The following CHMP1A variants were observed in gnomAD, a reference collection of about 807,000 sequenced individuals.
The protein encoded by CHMP1A is VPS46 homolog A.
A neutral mutation model predicts 27.0 loss-of-function variants in CHMP1A; 17 were observed. The observed-to-expected ratio is 0.63, with a 90% confidence interval of 0.43 to 0.95. The LOEUF is 0.95. Ranked by LOEUF, CHMP1A falls within the 40% of genes least tolerant of loss-of-function variation. The pLI is 0.00. For missense variants in CHMP1A, 275 were observed against 264.0 expected (o/e 1.04, Z -0.29); for synonymous variants, 131 against 107.5 (o/e 1.22, Z -1.35).
In CHMP1A at chr16:89,645,788, G is replaced by T; in HGVS notation, c.*278C>A. 2 of 889,180 alleles carry T rather than the reference G, an allele frequency of 2.2e-6. No homozygotes were observed. The highest frequency in any genetic ancestry group is 3.3e-6 in the Non-Finnish European group (2 of 614,776). The allele number at this position is 889,180 out of a possible 1,614,324, so 55.1% of individuals were successfully genotyped here. A position where few individuals can be genotyped will look rare whatever the true frequency, so the allele number is the denominator to read the frequency against. ...AAGGCCCCCACAGTGCTGGGTGAAA[G>T]TCCACAGGGCCCCTCTTGGCCTCCC... is the stretch of plus-strand genomic sequence containing the variant. On this transcript the variant is annotated 3_prime_UTR_variant, in exon 7 of 7. Transcript: ENST00000397901.
chr16:89,655,043 G>C (rs941489856), intron 1 of CHMP1A, among the ~76,000 whole-genome samples: 1 of 152,142 alleles, frequency 6.6e-6, no homozygotes, highest in African/African-American at 2.4e-5. Flanking sequence ...ATTCCTGAAA[G>C]GGCTTTACCA....
At chr16:89,651,401 C>T (rs1181827823) in intron 3 of CHMP1A, among the ~76,000 whole-genome samples, 168 bp downstream of exon 3, 1 of 114,596 alleles carries the variant, frequency 8.7e-6, no homozygotes, top group Non-Finnish European at 1.9e-5. Flanking sequence ...AACAAACAAA[C>T]AAAATATATA....
intron 1 of CHMP1A, 140 bp from the exon 2 acceptor site, chr16:89,654,063 G>A: frequency 1.1e-6 from 1 of 900,120 alleles, no homozygotes; most frequent in Middle Eastern, 2.2e-4. Context: ...GGCCTTCGGG[G>A]AGCCCCCCCC....
intron 1 of CHMP1A, among the ~76,000 whole-genome samples, chr16:89,655,437 C>A (rs560234556): frequency 2.6e-5 from 2 of 76,882 alleles, no homozygotes; most frequent in South Asian, 1.0e-3. Context: ...CCTCAGCTCT[C>A]CTCACCTCAG....
Position 89,645,853 on chromosome 16 carries a change from T to G in CHMP1A, c.*213A>C. The stretch of plus-strand genomic sequence containing the variant: ...AGTCACAGAAATCACCCCCAGAAAT[T>G]TGCAGAAACTCAACACCAGGACACA... On this transcript the variant is annotated 3_prime_UTR_variant, in exon 7 of 7. Coordinates refer to ENST00000397901, the MANE Select transcript of CHMP1A (RefSeq NM_002768.5). 1 of 1,498,476 alleles carries G rather than the reference T, an allele frequency of 6.7e-7. No homozygotes were observed. Among genetic ancestry groups the G allele is most frequent in the Non-Finnish European group, 9.0e-7 (1 of 1,114,738 alleles). The allele number at this position is 1,498,476 out of a possible 1,614,324, so 92.8% of individuals were successfully genotyped here.
At chr16:89,655,066 C>T (rs921323590) in intron 1 of CHMP1A, among the ~76,000 whole-genome samples, 6 of 152,172 alleles carry the variant, frequency 3.9e-5, no homozygotes, top group Non-Finnish European at 7.3e-5. Context: ...CTAGCCACAA[C>T]GAGGAAATGG....
At chr16:89,649,210 T>C in intron 4 of CHMP1A, 141 bp downstream of exon 4, 1 of 513,230 alleles carries the variant, frequency 1.9e-6, no homozygotes, top group Non-Finnish European at 2.7e-6. Context: ...CACCCCACGC[T>C]GATCCAGCTT....
chr16:89,647,006 G>A, intron 5 of CHMP1A, 197 bp downstream of exon 5: 4 of 1,501,370 alleles, frequency 2.7e-6, no homozygotes, highest in South Asian at 2.5e-5. Flanking sequence ...GGTGCCTGCA[G>A]GAGGCCCCCG....
intron 1 of CHMP1A, 32 bp downstream of exon 1, chr16:89,657,550 C>T: frequency 1.2e-6 from 2 of 1,609,514 alleles, no homozygotes; most frequent in Non-Finnish European, 1.7e-6. Flanking sequence ...GCCCCGCGCG[C>T]GAGTCCCCGG....
At chr16:89,647,579 TCAG>T (rs1208696786) in intron 4 of CHMP1A, among the ~76,000 whole-genome samples, 4 of 137,040 alleles carry the variant, frequency 2.9e-5, no homozygotes, top group Non-Finnish European at 6.2e-5. Context: ...CAGTGCGGGG[TCAG>T]TGGAGAAAAG....
Position 89,646,522 on chromosome 16 carries a change from C to T in CHMP1A, c.569+5G>A. The stretch of plus-strand genomic sequence containing the variant: ...GTGACACAGCGTTTCGGGGACCGAC[C>T]CTACCTCCGTGACAGCTGGTCCTCC... On this transcript the variant is annotated splice_donor_5th_base_variant and intron_variant, in intron 6 of 6. Transcript: ENST00000397901. The T allele has an allele frequency of 1.3e-6, 2 of 1,572,122 alleles. No homozygotes were observed. Among genetic ancestry groups the T allele is most frequent in the Non-Finnish European group, 1.7e-6 (2 of 1,159,004 alleles).
chr16:89,653,736 C>T (rs1211482277), intron 2 of CHMP1A, among the ~76,000 whole-genome samples, 168 bp downstream of exon 2: 1 of 151,666 alleles, frequency 6.6e-6, no homozygotes, highest in African/African-American at 2.4e-5. Flanking sequence ...AATATGTCAC[C>T]AAGGTGGCTC....
At chr16:89,655,052 C>T (rs1312521084) in intron 1 of CHMP1A, among the ~76,000 whole-genome samples, 3 of 152,218 alleles carry the variant, frequency 2.0e-5, no homozygotes, top group South Asian at 4.1e-4. Context: ...AGGGCTTTAC[C>T]ACACTAGCCA....
chr16:89,653,402 C>T (rs1318354367), intron 2 of CHMP1A, among the ~76,000 whole-genome samples: 2 of 149,666 alleles, frequency 1.3e-5, no homozygotes, highest in Non-Finnish European at 3.0e-5. Flanking sequence ...AGGCGGATCA[C>T]GAGGTGAAGA....
rs764358419 is a variant in CHMP1A, at chr16:89,649,495, G to A, written c.108C>T (p.Ala36=). 4.8e-5 allele frequency: 77 copies of A among 1,613,542 alleles called. No individual in the cohort carries two copies. The highest frequency in any genetic ancestry group is 6.1e-5 in the Non-Finnish European group (72 of 1,179,864). ...CACACTCTACATTTTTCTGCAGAAG[G>A]GCCTGAAACCCGCGGGGGAAAGCAG... ...SKAEQAKVKK[A]LLQKNVECAR... is the part of the protein sequence containing the mutation. The change falls in exon 4 of 7, where the codon GCC becomes GCT. Residue 36 remains alanine (A), a splice_region_variant and synonymous_variant. Coordinates refer to ENST00000397901, the MANE Select transcript of CHMP1A (RefSeq NM_002768.5).
In CHMP1A at chr16:89,656,879, G is replaced by A. The variant is rs1203085809; in HGVS notation, c.7+703C>T. ...CGCCTGACGCTGAGGAGTGCCAGGG[G>A]CGGGGGAAAGGGTCCTGGGTCGGTG... On this transcript the variant is annotated intron_variant, in intron 1 of 6. Transcript: ENST00000397901. 2.0e-5 allele frequency among the ~76,000 whole-genome samples: 3 copies of A among 152,290 alleles called. No homozygotes were observed. In the East Asian group the frequency reaches 5.8e-4, roughly 29 times the overall value.
intron 2 of CHMP1A, among the ~76,000 whole-genome samples, chr16:89,652,696 G>A (rs962486147): frequency 6.6e-6 from 1 of 152,190 alleles, no homozygotes; most frequent in Non-Finnish European, 1.5e-5. Context: ...GCCTCAGCCG[G>A]TCCCCTCTGT....
chr16:89,653,866 C>T (rs2059843791), intron 2 of CHMP1A, 38 bp downstream of exon 2: 1 of 1,607,542 alleles, frequency 6.2e-7, no homozygotes, highest in African/African-American at 1.3e-5. Flanking sequence ...CTGTCCTCAC[C>T]AGAACAGGGC....
In CHMP1A at chr16:89,654,060, G is replaced by A. The variant is rs538433452; in HGVS notation, c.8-137C>T. 116 of 922,224 alleles carry A rather than the reference G, an allele frequency of 1.3e-4. No individual in the cohort carries two copies. In the East Asian group the frequency reaches 1.9e-3, roughly 15 times the overall value. The allele number at this position is 922,224 out of a possible 1,614,324, so 57.1% of individuals were successfully genotyped here. A position where few individuals can be genotyped will look rare whatever the true frequency, so the allele number is the denominator to read the frequency against. ...CAGACCACACCTGCCTGGGGCCTTCGGGGAGCCCCCCCCAACAGGGGAGGC... is the reference window on the plus strand; with the variant it reads ...CAGACCACACCTGCCTGGGGCCTTCAGGGAGCCCCCCCCAACAGGGGAGGC... On this transcript the variant is annotated intron_variant, in intron 1 of 6. Transcript: ENST00000397901.
Sources: gnomAD v4.1 joint callset for allele counts (sites outside exome capture counted in the v4.1 genomes callset) on GRCh38, gnomAD v4.1.1 for gene constraint, MANE v1.5 for transcripts, NCBI Gene and HGNC (gene_info 2026-07-23, HGNC 2026-07-21) for gene names.